DLG2: variants seen among roughly 807,000 people sequenced by gnomAD.
DLG2 encodes the protein discs large MAGUK scaffold protein 2, also known as disks large homolog 2.
Under a neutral mutation model 132.5 loss-of-function variants are expected in DLG2, and 45 were observed. The observed-to-expected ratio is 0.34, with a 90% CI of 0.27 to 0.44. DLG2 has a LOEUF of 0.44. DLG2 is among the 20% of genes least tolerant of loss of function. The probability of loss-of-function intolerance (pLI) is 1.00; values close to 1 mark genes in which losing one functional copy is unlikely to be tolerated. For missense variants in DLG2, 1,045 were observed against 1,196.9 expected (o/e 0.87, Z 1.87); for synonymous variants, 424 against 419.6 (o/e 1.01, Z -0.13).
chr11:85,013,706 A>G (rs2059337215), intron 6 of DLG2, among the ~76,000 whole-genome samples: 1 of 152,190 alleles, frequency 6.6e-6, no homozygotes, highest in Non-Finnish European at 1.5e-5. Context: ...ATTTTTGAAA[A>G]TAAGTTAAGT....
intron 4 of DLG2, among the ~76,000 whole-genome samples, chr11:85,251,486 A>G (rs1001928110): frequency 2.0e-5 from 3 of 152,228 alleles, no homozygotes; most frequent in Non-Finnish European, 2.9e-5. Context: ...CTAATAATGC[A>G]TACGTGAAAA....
At chr11:85,159,402 G>T (rs2077857829) in intron 4 of DLG2, among the ~76,000 whole-genome samples, 1 of 152,164 alleles carries the variant, frequency 6.6e-6, no homozygotes. Context: ...AATGCCAAAT[G>T]GAAACCATTA....
intron 7 of DLG2, among the ~76,000 whole-genome samples, chr11:84,300,085 C>G (rs2098135488): frequency 6.6e-6 from 1 of 152,130 alleles, no homozygotes. Context: ...TAGACTCAAA[C>G]TTATCTTTAA....
At chr11:84,117,706 GA>G (rs1035461950) in intron 9 of DLG2, among the ~76,000 whole-genome samples, 8 of 152,162 alleles carry the variant, frequency 5.3e-5, no homozygotes, top group African/African-American at 9.6e-5. Flanking sequence ...TATTCATTGA[GA>G]AAAAAACTAT....
At chr11:85,377,803 A>ATATATATATATATATATATGTG (rs35141583) in intron 3 of DLG2, among the ~76,000 whole-genome samples, 97 of 131,282 alleles carry the variant, frequency 7.4e-4, no homozygotes, top group Non-Finnish European at 1.2e-3. Flanking sequence ...ATATATATAT[A>ATATATATATATATATATATGTG]TGTGTGTGTG....
chr11:85,304,388 G>A (rs774353754), intron 3 of DLG2, among the ~76,000 whole-genome samples: 2 of 152,060 alleles, frequency 1.3e-5, no homozygotes, highest in Non-Finnish European at 2.9e-5. Flanking sequence ...AAAAGCGGGG[G>A]CAAGAAAGGT....
In DLG2 at chr11:84,703,887, C is replaced by CGTGTGTGTGTGTGTGTGTGTGT; in HGVS notation, c.358-169178_358-169157dup. Reference sequence around the variant, plus strand: ...ATATATATATATATATATATATACACGTGTGTGTGTGTGTGTGTGTGTGTG... The same window carrying CGTGTGTGTGTGTGTGTGTGTGT: ...ATATATATATATATATATATATACACGTGTGTGTGTGTGTGTGTGTGTGTGTGTGTGTGTGTGTGTGTGTGTG... On this transcript the variant is annotated intron_variant, in intron 6 of 27. Transcript: ENST00000376104. Among the ~76,000 whole-genome samples, 3 of 114,722 alleles carry CGTGTGTGTGTGTGTGTGTGTGT rather than the reference C, an allele frequency of 2.6e-5. No individual in the cohort carries two copies. In the South Asian group the frequency reaches 8.8e-4, roughly 34 times the overall value. The allele number at this position is 114,722 out of a possible 152,430, so 75.3% of individuals were successfully genotyped here.
chr11:84,080,127 T>A (rs902749880), intron 10 of DLG2, among the ~76,000 whole-genome samples: 3 of 151,470 alleles, frequency 2.0e-5, no homozygotes, highest in African/African-American at 7.4e-5. Flanking sequence ...CTTGTTCCCT[T>A]CTCTATTCCC....
intron 6 of DLG2, among the ~76,000 whole-genome samples, chr11:84,562,979 T>C (rs2154526468): frequency 6.6e-6 from 1 of 152,276 alleles, no homozygotes; most frequent in East Asian, 1.9e-4. Context: ...CTCAAACTGC[T>C]GGGCTCAAGT....
At chr11:84,626,847 A>ACATTT (rs373094154) in intron 6 of DLG2, among the ~76,000 whole-genome samples, 19,857 of 143,876 alleles carry the variant, frequency 0.14, 1,962 homozygotes, top group South Asian at 0.19. Flanking sequence ...CATCAATTAC[A>ACATTT]TATTTTATTT....
intron 2 of DLG2, among the ~76,000 whole-genome samples, chr11:85,621,499 C>A (rs2081699468): frequency 6.6e-6 from 1 of 152,158 alleles, no homozygotes; most frequent in South Asian, 2.1e-4. Flanking sequence ...ATTCTATATG[C>A]CATTAAGAAC....
chr11:83,459,089 A>T lies in DLG2; in HGVS notation c.*729T>A, dbSNP rs1274837511. Reference sequence around the variant, plus strand: ...TTAACCTATAGAAATTTGTTTCTATACATTTAATATATTTTTATTGTATAA... The same window carrying T: ...TTAACCTATAGAAATTTGTTTCTATTCATTTAATATATTTTTATTGTATAA... On this transcript the variant is annotated 3_prime_UTR_variant, in exon 28 of 28. Transcript: ENST00000376104. The T allele has an allele frequency of 2.6e-5, 4 of 151,056 alleles. No homozygotes were observed. The highest frequency in any genetic ancestry group is 1.0e-4 in the African/African-American group (4 of 39,874). 9.4% of individuals were successfully genotyped at this position (151,056 alleles called of 1,614,324 possible).
chr11:83,534,467 C>T (rs2095834726), intron 20 of DLG2, among the ~76,000 whole-genome samples: 1 of 152,174 alleles, frequency 6.6e-6, no homozygotes, highest in African/African-American at 2.4e-5. Context: ...CAATAATTAA[C>T]AGCACACTCC....
At chr11:85,486,082 T>G (rs543170431) in intron 3 of DLG2, among the ~76,000 whole-genome samples, 2 of 152,316 alleles carry the variant, frequency 1.3e-5, no homozygotes, top group Non-Finnish European at 2.9e-5. Flanking sequence ...CAGCCTTCCC[T>G]GGTGGTAGGC....
At chr11:83,870,442 T>A (rs1188018337) in intron 16 of DLG2, among the ~76,000 whole-genome samples, 1 of 152,240 alleles carries the variant, frequency 6.6e-6, no homozygotes, top group Admixed American at 6.5e-5. Flanking sequence ...TGACATGATT[T>A]CATTCTTTTT....
At chr11:85,324,345 T>C (rs900380513) in intron 3 of DLG2, among the ~76,000 whole-genome samples, 15 of 152,286 alleles carry the variant, frequency 9.8e-5, no homozygotes, top group African/African-American at 2.6e-4. Flanking sequence ...ATAAGTTTCA[T>C]AGAGGTAGCC....
At chr11:84,867,233 T>C (rs889840426) in intron 6 of DLG2, among the ~76,000 whole-genome samples, 2 of 152,218 alleles carry the variant, frequency 1.3e-5, no homozygotes, top group African/African-American at 4.8e-5. Context: ...TTTTATCTTC[T>C]GAGGTTTCAG....
rs149292458 is a variant in DLG2, at chr11:83,641,912, T to TGA, written c.1826-8589_1826-8588dup. ...GTGTGTATGTGTGTTTGTGTGTGTG[T>TGA]GAGAGAGAGAGAGAGACATAGAAAA... On this transcript the variant is annotated intron_variant, in intron 18 of 27. Transcript: ENST00000376104. Among the ~76,000 whole-genome samples the TGA allele has an allele frequency of 1.4e-3, 213 of 149,864 alleles. 6 individuals carry two copies. The highest frequency in any genetic ancestry group is 3.5e-3 in the African/African-American group (143 of 40,832).
At chr11:83,599,923 A>G (rs898646468) in intron 19 of DLG2, among the ~76,000 whole-genome samples, 2 of 152,178 alleles carry the variant, frequency 1.3e-5, no homozygotes, top group Non-Finnish European at 2.9e-5. Flanking sequence ...TGGAAAATCT[A>G]TATTTCTAGG....
Sources: gnomAD v4.1 joint callset for allele counts (sites outside exome capture counted in the v4.1 genomes callset) on GRCh38, gnomAD v4.1.1 for gene constraint, MANE v1.5 for transcripts, NCBI Gene and HGNC (gene_info 2026-07-23, HGNC 2026-07-21) for gene names.